The following MYLK4 variants were observed in gnomAD, a reference collection of about 807,000 sequenced individuals.
MYLK4 encodes myosin light chain kinase family member 4.
MYLK4 carries 46 observed loss-of-function variants against 48.1 expected under a neutral mutation model. That is an observed-to-expected ratio of 0.96 (90% CI 0.75 to 1.22). The LOEUF (loss-of-function observed/expected upper bound fraction) is 1.22, where lower values mean the gene tolerates loss of function less well. MYLK4 is among the 50% of genes most tolerant of loss of function. The pLI, the probability that MYLK4 is intolerant of heterozygous loss-of-function variation, is 0.00. For missense variants in MYLK4, 451 were observed against 486.1 expected, an observed-to-expected ratio of 0.93 and a Z score of 0.68; for synonymous variants, 170 against 180.8, an observed-to-expected ratio of 0.94 and a Z score of 0.48.
the MYLK4 span, chr6:2,766,159 C>G: frequency 7.5e-7 from 1 of 1,331,838 alleles, no homozygotes; most frequent in Non-Finnish European, 9.5e-7. Context: ...GGGACGCGGA[C>G]GCGGACGGCG....
chr6:2,728,510 C>T (rs1351286784), intron 2 of MYLK4, among the ~76,000 whole-genome samples: 1 of 152,120 alleles, frequency 6.6e-6, no homozygotes, highest in Admixed American at 6.5e-5. Flanking sequence ...TTGGCATCCT[C>T]ATCTCCTGCC....
intron 7 of MYLK4, among the ~76,000 whole-genome samples, chr6:2,681,407 T>C (rs141424695): frequency 1.2e-4 from 19 of 152,370 alleles, no homozygotes; most frequent in African/African-American, 4.6e-4. Context: ...AAAGTCATTA[T>C]AGAGAAGGGG....
At chr6:2,764,558 A>C in the MYLK4 span, among the ~76,000 whole-genome samples, 1 of 34,054 alleles carries the variant, frequency 2.9e-5, no homozygotes, top group Non-Finnish European at 6.3e-5. Context: ...GGAGACTTAG[A>C]CAAAAGCAAA....
chr6:2,716,118 C>A (rs1762855592), intron 2 of MYLK4, among the ~76,000 whole-genome samples: 1 of 152,168 alleles, frequency 6.6e-6, no homozygotes, highest in African/African-American at 2.4e-5. Flanking sequence ...TGTGGACAAG[C>A]ACATTGGTTA....
intron 2 of MYLK4, among the ~76,000 whole-genome samples, chr6:2,743,276 T>C (rs139639701): frequency 5.3e-5 from 8 of 152,352 alleles, no homozygotes; most frequent in African/African-American, 1.9e-4. Flanking sequence ...AAAAATAATT[T>C]ATCATATGCT....
intron 2 of MYLK4, among the ~76,000 whole-genome samples, chr6:2,697,653 A>C (rs765246871): frequency 6.6e-6 from 1 of 152,224 alleles, no homozygotes. Flanking sequence ...TTTCATTCCC[A>C]TTCAATAAAA....
intron 12 of MYLK4, 137 bp downstream of exon 12, chr6:2,671,139 T>C: frequency 1.6e-6 from 1 of 616,756 alleles, no homozygotes; most frequent in East Asian, 2.8e-5. Flanking sequence ...AACACAGCAG[T>C]CTGATTTCAG....
chr6:2,770,376 TGCA>T, the MYLK4 span: 23 of 1,613,554 alleles, frequency 1.4e-5, no homozygotes, highest in Non-Finnish European at 1.4e-5. Context: ...GTTGACAGTG[TGCA>T]GCGTCCTGGG....
chr6:2,707,352 TA>T (rs1475966741), intron 2 of MYLK4, among the ~76,000 whole-genome samples: 1 of 152,232 alleles, frequency 6.6e-6, no homozygotes, highest in African/African-American at 2.4e-5. Flanking sequence ...ACAATCACTG[TA>T]AAATTTTTCA....
the MYLK4 span, chr6:2,765,816 C>G: frequency 2.1e-5 from 28 of 1,353,126 alleles, no homozygotes; most frequent in East Asian, 8.8e-4. Context: ...AAGGGGCCCT[C>G]GCCGCCCGGC....
chr6:2,703,949 G>T (rs1011096818), intron 2 of MYLK4, among the ~76,000 whole-genome samples: 21 of 152,058 alleles, frequency 1.4e-4, no homozygotes, highest in African/African-American at 5.1e-4. Flanking sequence ...GATTACAGGC[G>T]AATTCTTTCT....
intron 11 of MYLK4, 55 bp from the exon 12 acceptor site, chr6:2,671,403 G>A (rs929822338): frequency 6.6e-7 from 1 of 1,512,088 alleles, no homozygotes; most frequent in South Asian, 1.1e-5. Context: ...TTCAGGTCCT[G>A]ACTTATGAGC....
intron 2 of MYLK4, among the ~76,000 whole-genome samples, chr6:2,714,843 G>A (rs1050056993): frequency 2.0e-5 from 3 of 152,208 alleles, no homozygotes; most frequent in African/African-American, 7.2e-5. Context: ...TATGCTCAGT[G>A]AAATAAGCCA....
chr6:2,762,809 C>T, the MYLK4 span, among the ~76,000 whole-genome samples: 1 of 152,114 alleles, frequency 6.6e-6, no homozygotes, highest in Non-Finnish European at 1.5e-5. Flanking sequence ...TCCCGGAGAC[C>T]GTTAGAGGTC....
chr6:2,707,970 C>A (rs1198577631), intron 2 of MYLK4, among the ~76,000 whole-genome samples: 1 of 152,120 alleles, frequency 6.6e-6, no homozygotes, highest in Non-Finnish European at 1.5e-5. Flanking sequence ...CATCAATACT[C>A]ATTTAACCAT....
At chr6:2,697,075 G>A (rs529357479) in intron 2 of MYLK4, among the ~76,000 whole-genome samples, 43 of 152,126 alleles carry the variant, frequency 2.8e-4, no homozygotes, top group African/African-American at 9.4e-4. Context: ...AAAATAAAAT[G>A]AAATAAAATA....
the MYLK4 span, chr6:2,765,669 AC>A: frequency 6.4e-7 from 1 of 1,552,578 alleles, no homozygotes; most frequent in South Asian, 1.1e-5. Context: ...TCGCAGCTGC[AC>A]CAGGTGCAGT....
At chr6:2,669,098 A>G (rs1346510502) in intron 12 of MYLK4, among the ~76,000 whole-genome samples, 2 of 152,106 alleles carry the variant, frequency 1.3e-5, no homozygotes, top group African/African-American at 4.8e-5. Context: ...ACAAAACAGA[A>G]AGCAAACTAG....
intron 2 of MYLK4, among the ~76,000 whole-genome samples, chr6:2,742,467 C>G (rs574999007): frequency 2.0e-5 from 3 of 151,298 alleles, no homozygotes; most frequent in Non-Finnish European, 4.4e-5. Context: ...TGGAACCAAC[C>G]CAAATGTCCA....
Sources: gnomAD v4.1 joint callset for allele counts (sites outside exome capture counted in the v4.1 genomes callset) on GRCh38, gnomAD v4.1.1 for gene constraint, MANE v1.5 for transcripts, NCBI Gene and HGNC (gene_info 2026-07-23, HGNC 2026-07-21) for gene names.